RBM26: variants seen among roughly 807,000 people sequenced by gnomAD.
The protein encoded by RBM26 is RNA-binding protein 26.
Under a neutral mutation model 123.6 loss-of-function variants are expected in RBM26, and 30 were observed. The ratio of observed to expected loss-of-function variants is 0.24; its 90% CI spans 0.18 to 0.33. The LOEUF (loss-of-function observed/expected upper bound fraction) is 0.33. Ranked by LOEUF, RBM26 falls within the 10% of genes least tolerant of loss-of-function variation. RBM26 has a pLI of 1.00. For synonymous variants in RBM26, 400 were observed against 404.4 expected (o/e 0.99, Z 0.13); for missense variants, 947 against 1,203.6 (o/e 0.79, Z 3.15).
intron 1 of RBM26, among the ~76,000 whole-genome samples, chr13:79,382,890 A>G (rs1164652905): frequency 6.6e-6 from 1 of 152,222 alleles, no homozygotes; most frequent in Non-Finnish European, 1.5e-5. Context: ...TGGTAAATGG[A>G]TATCATTATT....
chr13:79,322,836 C>T (rs1026754541), intron 20 of RBM26, among the ~76,000 whole-genome samples: 2 of 151,330 alleles, frequency 1.3e-5, no homozygotes, highest in African/African-American at 4.8e-5. Context: ...CTTCAAGATC[C>T]TAGTTTTAAT....
intron 14 of RBM26, among the ~76,000 whole-genome samples, chr13:79,345,404 G>A (rs2072154209): frequency 6.6e-6 from 1 of 151,078 alleles, no homozygotes; most frequent in African/African-American, 2.4e-5. Flanking sequence ...TTGGCTATTA[G>A]GTAAAAATGC....
intron 1 of RBM26, among the ~76,000 whole-genome samples, chr13:79,381,180 TAAG>T (rs962227739): frequency 6.6e-6 from 1 of 152,046 alleles, no homozygotes; most frequent in African/African-American, 2.4e-5. Flanking sequence ...AGAGAAAAGC[TAAG>T]TAGACTTCCC....
chr13:79,338,191 G>A (rs753188523), intron 18 of RBM26, among the ~76,000 whole-genome samples: 105 of 152,244 alleles, frequency 6.9e-4, no homozygotes, highest in Non-Finnish European at 1.2e-3. Context: ...CAGCCTGGGC[G>A]ACAGAGCAAG....
intron 20 of RBM26, among the ~76,000 whole-genome samples, chr13:79,325,986 G>C (rs1024902283): frequency 6.6e-5 from 10 of 152,092 alleles, no homozygotes; most frequent in Non-Finnish European, 1.2e-4. Flanking sequence ...ATTCAGTATA[G>C]TTAACACAAT....
intron 3 of RBM26, among the ~76,000 whole-genome samples, chr13:79,372,884 TGC>T (rs1396304927): frequency 0.04 from 3,342 of 84,384 alleles, 854 homozygotes; most frequent in African/African-American, 0.077. Flanking sequence ...ATATTTTATA[TGC>T]TATATAAAAT....
At chr13:79,376,151 GAA>G (rs2076648965) in intron 3 of RBM26, 1 of 151,914 alleles carries the variant, frequency 6.6e-6, no homozygotes, top group Non-Finnish European at 1.5e-5. Context: ...GCTAAATGCA[GAA>G]ACATAATGGC....
intron 3 of RBM26, among the ~76,000 whole-genome samples, chr13:79,372,786 G>T (rs1197692616): frequency 0.011 from 39 of 3,714 alleles, 9 homozygotes; most frequent in South Asian, 0.031. Flanking sequence ...ATAATTATAT[G>T]ATATATATTA....
At chr13:79,337,070 A>T in intron 19 of RBM26, 32 bp downstream of exon 19, 1 of 1,585,344 alleles carries the variant, frequency 6.3e-7, no homozygotes. Context: ...GATGATTATC[A>T]GCATTTGTTT....
Position 79,319,127 on chromosome 13 carries a change from C to T in RBM26, c.*1494G>A. On this transcript the variant is annotated 3_prime_UTR_variant, in exon 22 of 22. Transcript: ENST00000438737. ...ATCAAGAAAATACACACAACTTCAA[C>T]CCCAATTAGGGGTGTATGGGGAAGA... is the stretch of plus-strand genomic sequence containing the variant. 1.0e-6 allele frequency: 1 copy of T among 984,572 alleles called. No individual in the cohort carries two copies. 61.0% of individuals were successfully genotyped at this position (984,572 alleles called of 1,614,324 possible).
At chr13:79,393,838 G>A (rs2078313894) in intron 1 of RBM26, among the ~76,000 whole-genome samples, 1 of 152,148 alleles carries the variant, frequency 6.6e-6, no homozygotes, top group Non-Finnish European at 1.5e-5. Flanking sequence ...ACCGTGCAGT[G>A]CTTGGGGTTT....
intron 20 of RBM26, among the ~76,000 whole-genome samples, chr13:79,327,380 G>C (rs1324254525): frequency 6.6e-6 from 1 of 151,554 alleles, no homozygotes; most frequent in Non-Finnish European, 1.5e-5. Flanking sequence ...CAAAAAGCCA[G>C]CATCACACAT....
chr13:79,404,759 G>T (rs906285207), intron 1 of RBM26, among the ~76,000 whole-genome samples: 2 of 152,142 alleles, frequency 1.3e-5, no homozygotes, highest in Non-Finnish European at 2.9e-5. Flanking sequence ...TGACCAATGT[G>T]AAATAGCCCC....
At chr13:79,365,833 A>G (rs1370665520) in intron 8 of RBM26, 115 bp from the exon 9 acceptor site, 2 of 980,576 alleles carry the variant, frequency 2.0e-6, no homozygotes, top group Admixed American at 2.8e-5. Flanking sequence ...AACATGCTCT[A>G]TATGTATCAA....
At chr13:79,376,176 A>G (rs1384049880) in intron 3 of RBM26, 1 of 152,108 alleles carries the variant, frequency 6.6e-6, no homozygotes, top group African/African-American at 2.4e-5. Context: ...GACTGCCAAC[A>G]ATTATTTTCA....
At chr13:79,353,314 ACAGAGT>A (rs2073524358) in intron 13 of RBM26, 90 bp from the exon 14 acceptor site, 1 of 743,860 alleles carries the variant, frequency 1.3e-6, no homozygotes, top group Non-Finnish European at 2.2e-6. Flanking sequence ...ACTAATATAT[ACAGAGT>A]CTATGAGTAT....
intron 18 of RBM26, among the ~76,000 whole-genome samples, chr13:79,338,034 A>G (rs2070739213): frequency 6.6e-6 from 1 of 152,158 alleles, no homozygotes; most frequent in Non-Finnish European, 1.5e-5. Context: ...CCTGACCAAC[A>G]TGGAAAAACC....
chr13:79,366,322 G>A (rs2075266925), intron 7 of RBM26, 127 bp from the exon 8 acceptor site: 1 of 1,057,892 alleles, frequency 9.5e-7, no homozygotes, highest in African/African-American at 1.6e-5. Context: ...CCTTACAACT[G>A]AATTAGATAT....
intron 20 of RBM26, among the ~76,000 whole-genome samples, chr13:79,329,164 C>T (rs2138658374): frequency 6.6e-6 from 1 of 151,990 alleles, no homozygotes; most frequent in South Asian, 2.1e-4. Flanking sequence ...AAGTAAAAAC[C>T]ATAGAGTCTA....
Sources: gnomAD v4.1 joint callset for allele counts (sites outside exome capture counted in the v4.1 genomes callset) on GRCh38, gnomAD v4.1.1 for gene constraint, MANE v1.5 for transcripts, NCBI Gene and HGNC (gene_info 2026-07-23, HGNC 2026-07-21) for gene names.